INSYN2B: variants seen among roughly 807,000 people sequenced by gnomAD.
The protein encoded by INSYN2B is protein INSYN2B.
Under a neutral mutation model 41.2 loss-of-function variants are expected in INSYN2B, and 16 were observed. The observed-to-expected ratio is 0.39, with a 90% CI of 0.26 to 0.59. INSYN2B has a LOEUF of 0.59. Among genes scored for constraint, INSYN2B ranks in the 20% least tolerant of loss-of-function variants. INSYN2B has a pLI of 0.57. For synonymous variants in INSYN2B, 245 were observed against 244.4 expected (o/e 1.00, Z -0.02); for missense variants, 608 against 646.4 (o/e 0.94, Z 0.64).
intron 2 of INSYN2B, among the ~76,000 whole-genome samples, chr5:169,882,044 G>T (rs1271240101): frequency 6.6e-6 from 1 of 152,130 alleles, no homozygotes; most frequent in African/African-American, 2.4e-5. Context: ...TCTCATTTCA[G>T]TTCCAATTAG....
Position 169,883,163 on chromosome 5 carries a change from T to A in INSYN2B, c.736A>T (p.Arg246Trp). Reference sequence around the variant, plus strand: ...TTTTCTGAATCTAGTGGAGTCACCCTTCTCCCATCACCTGGACGTGTGTCA... The same window carrying A: ...TTTTCTGAATCTAGTGGAGTCACCCATCTCCCATCACCTGGACGTGTGTCA... Reference protein sequence around the residue: ...LDDTRPGDGRRVTPLDSEKST... With the variant: ...LDDTRPGDGRWVTPLDSEKST... The change falls in exon 2 of 4, where the codon AGG becomes TGG. Residue 246 changes from arginine (R) to tryptophan (W), a missense_variant. Arg to Trp is a moderately radical substitution (Grantham distance 101). Coordinates refer to ENST00000377365, the MANE Select transcript of INSYN2B (RefSeq NM_001129891.3). 6.4e-7 allele frequency: 1 copy of A among 1,551,664 alleles called. No individual in the cohort carries two copies. The highest frequency in any genetic ancestry group is 8.7e-7 in the Non-Finnish European group (1 of 1,146,936).
At chr5:169,944,770 G>A (rs974108351) in intron 1 of INSYN2B, among the ~76,000 whole-genome samples, 10 of 152,200 alleles carry the variant, frequency 6.6e-5, no homozygotes, top group African/African-American at 1.7e-4. Flanking sequence ...AGCTCTAGAA[G>A]CACCTTGTGC....
At chr5:169,928,811 G>A (rs1333979342) in intron 1 of INSYN2B, among the ~76,000 whole-genome samples, 1 of 152,194 alleles carries the variant, frequency 6.6e-6, no homozygotes, top group African/African-American at 2.4e-5. Flanking sequence ...ATGTTATTAG[G>A]TTAAATACTA....
intron 1 of INSYN2B, among the ~76,000 whole-genome samples, chr5:169,906,797 G>A (rs142238195): frequency 2.9e-3 from 442 of 152,310 alleles, no homozygotes; most frequent in African/African-American, 0.01. Flanking sequence ...GGGTGGTTCT[G>A]GTTTAAGCTC....
intron 1 of INSYN2B, among the ~76,000 whole-genome samples, chr5:169,968,203 T>A (rs553964476): frequency 6.6e-6 from 1 of 152,320 alleles, no homozygotes; most frequent in East Asian, 1.9e-4. Flanking sequence ...CATGGGCTGG[T>A]TGTTTCAGCT....
intron 1 of INSYN2B, among the ~76,000 whole-genome samples, chr5:169,887,865 T>C (rs6879439): frequency 0.5 from 75,532 of 151,966 alleles, 19,211 homozygotes; most frequent in Non-Finnish European, 0.55. Flanking sequence ...CATGAGAAGG[T>C]CTTTCACCAG....
chr5:169,895,332 A>T (rs540013890), intron 1 of INSYN2B, among the ~76,000 whole-genome samples: 3 of 151,886 alleles, frequency 2.0e-5, no homozygotes, highest in Admixed American at 6.5e-5. Flanking sequence ...AGGGAAGAGC[A>T]TATGGTAGAG....
At chr5:169,965,553 T>A (rs1313208210) in intron 1 of INSYN2B, among the ~76,000 whole-genome samples, 1 of 152,172 alleles carries the variant, frequency 6.6e-6, no homozygotes, top group Non-Finnish European at 1.5e-5. Flanking sequence ...TGGTTCCCAA[T>A]GTTTGCCACA....
At chr5:169,904,198 C>A (rs1774141093) in intron 1 of INSYN2B, among the ~76,000 whole-genome samples, 1 of 151,868 alleles carries the variant, frequency 6.6e-6, no homozygotes, top group African/African-American at 2.4e-5. Flanking sequence ...ACTGACCTAG[C>A]CTTTGGCAAG....
intron 1 of INSYN2B, among the ~76,000 whole-genome samples, chr5:169,899,923 A>T (rs997523109): frequency 2.0e-5 from 3 of 152,198 alleles, no homozygotes; most frequent in African/African-American, 7.2e-5. Flanking sequence ...GTATTACTTG[A>T]TACTGATTTT....
At chr5:169,941,502 C>T (rs1055265266) in intron 1 of INSYN2B, among the ~76,000 whole-genome samples, 1 of 152,140 alleles carries the variant, frequency 6.6e-6, no homozygotes, top group Non-Finnish European at 1.5e-5. Flanking sequence ...CCCATGGAAC[C>T]AGGGCAAGTG....
At chr5:169,869,035 G>A (rs1771773468) in intron 3 of INSYN2B, among the ~76,000 whole-genome samples, 1 of 152,124 alleles carries the variant, frequency 6.6e-6, no homozygotes, top group South Asian at 2.1e-4. Context: ...TTCCTCGCTG[G>A]GTGGCTGTGC....
chr5:169,864,407 T>A lies in INSYN2B; in HGVS notation c.1474A>T (p.Ser492Cys). 1 of 1,550,632 alleles carries A rather than the reference T, an allele frequency of 6.4e-7. No individual in the cohort carries two copies. Among genetic ancestry groups the A allele is most frequent in the Non-Finnish European group, 8.7e-7 (1 of 1,146,562 alleles). ...TCAACTGGCTCTGCTTCCTCCAGACTCTGCAAAACTTCATGGAACCTGCCT... is the reference window on the plus strand; with the variant it reads ...TCAACTGGCTCTGCTTCCTCCAGACACTGCAAAACTTCATGGAACCTGCCT... The part of the protein sequence containing the change: ...QEGRFHEVLQ[S>C]LEEAEPVEEA... The change falls in exon 4 of 4, where the codon AGT becomes TGT. Residue 492 changes from serine (S) to cysteine (C), a missense_variant. Physicochemically the swap from Ser to Cys is moderately radical, Grantham distance 112 (BLOSUM62 -1). Coordinates refer to ENST00000377365, the MANE Select transcript of INSYN2B (RefSeq NM_001129891.3).
chr5:169,949,336 C>A, intron 1 of INSYN2B, among the ~76,000 whole-genome samples: 1 of 152,106 alleles, frequency 6.6e-6, no homozygotes, highest in East Asian at 1.9e-4. Flanking sequence ...AATAGAGGCA[C>A]CTGGGAAGCC....
At chr5:169,926,175 G>A (rs1209556084) in intron 1 of INSYN2B, among the ~76,000 whole-genome samples, 58 of 152,106 alleles carry the variant, frequency 3.8e-4, no homozygotes, top group South Asian at 2.1e-4. Context: ...TCCTATAGTC[G>A]GCATGGATGT....
At chr5:169,907,248 G>C (rs562204117) in intron 1 of INSYN2B, among the ~76,000 whole-genome samples, 1 of 152,320 alleles carries the variant, frequency 6.6e-6, no homozygotes, top group African/African-American at 2.4e-5. Flanking sequence ...CATTCTTAGG[G>C]ATACTGAAGA....
chr5:169,907,683 G>A (rs1478452398), intron 1 of INSYN2B, among the ~76,000 whole-genome samples: 1 of 152,190 alleles, frequency 6.6e-6, no homozygotes, highest in African/African-American at 2.4e-5. Context: ...AGATCACACA[G>A]CTGGAAAATG....
At chr5:169,878,609 G>A (rs1772462035) in intron 3 of INSYN2B, among the ~76,000 whole-genome samples, 1 of 152,188 alleles carries the variant, frequency 6.6e-6, no homozygotes, top group African/African-American at 2.4e-5. Context: ...ACCAAACTCA[G>A]ATTTTCCCCT....
intron 1 of INSYN2B, among the ~76,000 whole-genome samples, chr5:169,919,009 A>G (rs1034620410): frequency 1.3e-5 from 2 of 152,350 alleles, no homozygotes; most frequent in East Asian, 3.9e-4. Flanking sequence ...AACAAGGGTT[A>G]TGTTGGATAG....
Sources: allele counts gnomAD v4.1 joint callset (sites outside exome capture counted in the v4.1 genomes callset), GRCh38; gene constraint gnomAD v4.1.1; transcripts MANE v1.5; gene names NCBI Gene and HGNC (gene_info 2026-07-23, HGNC 2026-07-21).